SAMMSON: variants seen among roughly 807,000 people sequenced by gnomAD.
The protein encoded by SAMMSON is long intergenic non-protein coding RNA 1212.
At chr3:70,227,717 G>A (rs576147852) in intron 4 of SAMMSON, among the ~76,000 whole-genome samples, 1 of 152,260 alleles carries the variant, frequency 6.6e-6, no homozygotes, top group Non-Finnish European at 1.5e-5. Context: ...GGCTTTCAAT[G>A]AATAAGCTCT....
At chr3:70,248,652 C>G (rs769678209) in intron 4 of SAMMSON, among the ~76,000 whole-genome samples, 2 of 151,990 alleles carry the variant, frequency 1.3e-5, no homozygotes, top group Non-Finnish European at 2.9e-5. Flanking sequence ...ACAGTAAAGA[C>G]AGGAGTTAAT....
chr3:70,083,689 C>T (rs974510484), intron 4 of SAMMSON, among the ~76,000 whole-genome samples: 2 of 152,148 alleles, frequency 1.3e-5, no homozygotes, highest in African/African-American at 4.8e-5. Context: ...TTGGTGAACT[C>T]CTGCAGATCC....
chr3:70,269,210 AAATT>A (rs1351424269), intron 6 of SAMMSON, among the ~76,000 whole-genome samples: 33 of 152,216 alleles, frequency 2.2e-4, no homozygotes, highest in Non-Finnish European at 3.4e-4. Flanking sequence ...ATACTCATAA[AAATT>A]AATTAATTAT....
At chr3:70,115,461 T>C (rs1028152186) in intron 4 of SAMMSON, among the ~76,000 whole-genome samples, 1 of 152,162 alleles carries the variant, frequency 6.6e-6, no homozygotes, top group African/African-American at 2.4e-5. Context: ...TTCCCCAATA[T>C]TCATGTCTTA....
intron 2 of SAMMSON, among the ~76,000 whole-genome samples, chr3:70,400,207 C>A (rs1032298475): frequency 6.6e-6 from 1 of 152,112 alleles, no homozygotes; most frequent in Non-Finnish European, 1.5e-5. Context: ...ACATTGCACA[C>A]AAATATGGTG....
chr3:70,384,457 C>T (rs1347044202), intron 9 of SAMMSON, among the ~76,000 whole-genome samples: 1 of 151,910 alleles, frequency 6.6e-6, no homozygotes, highest in Non-Finnish European at 1.5e-5. Flanking sequence ...GACTTGAGGC[C>T]AGTCTTTAGT....
At chr3:70,369,989 G>A (rs1702953368) in intron 9 of SAMMSON, among the ~76,000 whole-genome samples, 2 of 151,536 alleles carry the variant, frequency 1.3e-5, no homozygotes, top group African/African-American at 4.8e-5. Flanking sequence ...CAACTTTCCA[G>A]TCTCGAGAAT....
At chr3:70,019,117 GTTCAA>G (rs964804425) in intron 3 of SAMMSON, among the ~76,000 whole-genome samples, 2 of 152,154 alleles carry the variant, frequency 1.3e-5, no homozygotes, top group African/African-American at 4.8e-5. Context: ...GCAGAGCTGA[GTTCAA>G]TTCCTGGATA....
intron 6 of SAMMSON, among the ~76,000 whole-genome samples, chr3:70,263,546 G>C (rs1223952231): frequency 6.6e-6 from 1 of 152,086 alleles, no homozygotes; most frequent in Non-Finnish European, 1.5e-5. Flanking sequence ...AAAATGTTTG[G>C]TTGACAGATC....
At chr3:70,410,787 T>C (rs1281623865) in intron 2 of SAMMSON, among the ~76,000 whole-genome samples, 1 of 152,194 alleles carries the variant, frequency 6.6e-6, no homozygotes, top group Non-Finnish European at 1.5e-5. Flanking sequence ...TGAAAAGTAT[T>C]TATCATGAAA....
chr3:70,334,054 G>A (rs1702645077), intron 7 of SAMMSON, among the ~76,000 whole-genome samples: 1 of 152,328 alleles, frequency 6.6e-6, no homozygotes, highest in East Asian at 1.9e-4. Flanking sequence ...AAGGTTGCCT[G>A]TGCCTAGTTA....
intron 6 of SAMMSON, among the ~76,000 whole-genome samples, chr3:70,285,156 A>G (rs993905194): frequency 2.7e-5 from 4 of 150,264 alleles, no homozygotes; most frequent in African/African-American, 9.8e-5. Context: ...CACTGCACCC[A>G]CTAACTTGTC....
At chr3:70,114,795 T>C (rs1229469897) in intron 4 of SAMMSON, among the ~76,000 whole-genome samples, 1 of 152,216 alleles carries the variant, frequency 6.6e-6, no homozygotes, top group Non-Finnish European at 1.5e-5. Flanking sequence ...TAATATAGGA[T>C]TCAAAGCATT....
rs559920877 is a variant in SAMMSON at position 70,176,462 on chromosome 3, C to T, written n.508-72645C>T. ...ATCAACTTTTCATCAATGTCTTGAC[C>T]TGACGTGGATGACAAAATATTCTTT... On this transcript the variant is annotated intron_variant and non_coding_transcript_variant, in intron 4 of 9. Coordinates refer to ENST00000642114, the Ensembl canonical transcript of SAMMSON. Among the ~76,000 whole-genome samples, 15 of 152,224 alleles carry T rather than the reference C, an allele frequency of 9.9e-5. 1 individual carries two copies. The South Asian group carries it at 3.1e-3, about 32-fold the overall frequency.
At chr3:70,167,889 G>T (rs1432779910) in intron 4 of SAMMSON, among the ~76,000 whole-genome samples, 1 of 151,934 alleles carries the variant, frequency 6.6e-6, no homozygotes, top group Non-Finnish European at 1.5e-5. Flanking sequence ...TTGAAGGATT[G>T]CTTGAACAGC....
rs147204749 is a variant in SAMMSON, at chr3:70,127,633, A to G, written n.507+56068A>G. ...CTATTTGCCATAACTAAATTAGTCC[A>G]TGCCCCACATTTTGTTCTATTTTTT... On this transcript the variant is annotated intron_variant and non_coding_transcript_variant, in intron 4 of 9. Transcript: ENST00000642114. 26 of 152,314 alleles carry G rather than the reference A, an allele frequency of 1.7e-4. 1 individual carries two copies. The East Asian group carries it at 3.5e-3, about 20-fold the overall frequency. 9.4% of individuals were successfully genotyped at this position (152,314 alleles called of 1,614,324 possible). A position where few individuals can be genotyped will look rare whatever the true frequency, so the allele number is the denominator to read the frequency against.
intron 4 of SAMMSON, among the ~76,000 whole-genome samples, chr3:70,186,333 A>G (rs1302107989): frequency 6.6e-6 from 1 of 151,686 alleles, no homozygotes; most frequent in Non-Finnish European, 1.5e-5. Context: ...ATCTTGGCTC[A>G]CTGCAGCCTT....
chr3:70,346,630 T>G (rs1023488312), intron 7 of SAMMSON, among the ~76,000 whole-genome samples: 5 of 152,076 alleles, frequency 3.3e-5, no homozygotes, highest in African/African-American at 1.2e-4. Context: ...AAAGAGAAAA[T>G]GAAAGCTTAG....
intron 2 of SAMMSON, among the ~76,000 whole-genome samples, chr3:70,415,957 C>G (rs2106771243): frequency 6.6e-6 from 1 of 152,224 alleles, no homozygotes; most frequent in Middle Eastern, 3.4e-3. Flanking sequence ...ATCTCGTTCT[C>G]CTATCACTAT....
Sources: gnomAD v4.1 joint callset for allele counts (sites outside exome capture counted in the v4.1 genomes callset) on GRCh38, gnomAD v4.1.1 for gene constraint, MANE v1.5 for transcripts, NCBI Gene and HGNC (gene_info 2026-07-23, HGNC 2026-07-21) for gene names.